Variants in LUZP2 observed in about 807,000 individuals in gnomAD.
LUZP2 encodes the protein leucine zipper protein 2.
LUZP2 carries 52 observed loss-of-function variants against 51.6 expected under a neutral mutation model. The observed-to-expected ratio is 1.01, with a 90% CI of 0.81 to 1.27. LUZP2 has a LOEUF of 1.27. Among genes scored for constraint, LUZP2 ranks in the 50% most tolerant of loss-of-function variants. The pLI is 0.00. For synonymous variants in LUZP2, 154 were observed against 137.3 expected (o/e 1.12, Z -0.85); for missense variants, 436 against 395.4 (o/e 1.10, Z -0.87).
intron 9 of LUZP2, among the ~76,000 whole-genome samples, chr11:25,001,294 A>C (rs1473433485): frequency 6.6e-6 from 1 of 152,162 alleles, no homozygotes; most frequent in Non-Finnish European, 1.5e-5. Context: ...GAGCAGACCA[A>C]TTATTAGGCA....
chr11:24,926,475 ATGTGTGTGTATATATATGTGTATATATG>A (rs1565120025), intron 7 of LUZP2, among the ~76,000 whole-genome samples: 9 of 119,360 alleles, frequency 7.5e-5, no homozygotes, highest in Non-Finnish European at 1.4e-4. Flanking sequence ...ACGTGTATAT[ATGTGTGTGTATATATATGTGTATATATG>A]TGTGTGTATA....
chr11:24,726,923 T>C (rs1238618862), intron 1 of LUZP2, among the ~76,000 whole-genome samples: 2 of 152,236 alleles, frequency 1.3e-5, no homozygotes, highest in East Asian at 3.9e-4. Context: ...TGTAATTTGG[T>C]TTCCTCTTAC....
At chr11:24,777,097 C>T (rs1488923570) in intron 5 of LUZP2, among the ~76,000 whole-genome samples, 1 of 151,404 alleles carries the variant, frequency 6.6e-6, no homozygotes, top group African/African-American at 2.4e-5. Context: ...CGGGTTCATG[C>T]CATTCTCCTG....
intron 10 of LUZP2, among the ~76,000 whole-genome samples, chr11:25,052,581 T>G (rs1048999756): frequency 2.0e-5 from 3 of 152,150 alleles, no homozygotes; most frequent in Non-Finnish European, 4.4e-5. Flanking sequence ...GAGAGACTGT[T>G]TTTTGCCTTG....
intron 1 of LUZP2, among the ~76,000 whole-genome samples, chr11:24,603,626 G>A (rs541793246): frequency 4.0e-5 from 6 of 151,802 alleles, no homozygotes; most frequent in East Asian, 3.9e-4. Context: ...ATAAATATAA[G>A]TATACAATCC....
At chr11:24,655,999 A>C (rs548296557) in intron 1 of LUZP2, among the ~76,000 whole-genome samples, 1 of 152,320 alleles carries the variant, frequency 6.6e-6, no homozygotes, top group East Asian at 1.9e-4. Flanking sequence ...TACTGTTACA[A>C]AATTGCGATT....
At chr11:25,025,652 G>A (rs1025570444) in intron 9 of LUZP2, among the ~76,000 whole-genome samples, 2 of 152,142 alleles carry the variant, frequency 1.3e-5, no homozygotes, top group African/African-American at 4.8e-5. Flanking sequence ...AACAGGTGCT[G>A]GGGAGGATGT....
chr11:24,645,285 G>A (rs921636506), intron 1 of LUZP2, among the ~76,000 whole-genome samples: 3 of 152,132 alleles, frequency 2.0e-5, no homozygotes, highest in Admixed American at 2.0e-4. Context: ...AAGAGAAAGA[G>A]GGAGAGAAAG....
At chr11:25,009,072 G>T (rs193228034) in intron 9 of LUZP2, among the ~76,000 whole-genome samples, 1 of 152,210 alleles carries the variant, frequency 6.6e-6, no homozygotes, top group African/African-American at 2.4e-5. Flanking sequence ...ATACAAAAAG[G>T]TAAAAACTTT....
At chr11:24,670,728 T>A (rs1201144874) in intron 1 of LUZP2, among the ~76,000 whole-genome samples, 2 of 151,988 alleles carry the variant, frequency 1.3e-5, no homozygotes, top group Admixed American at 1.3e-4. Flanking sequence ...TTCCCAAAAT[T>A]TTAGATTTTC....
intron 11 of LUZP2, among the ~76,000 whole-genome samples, chr11:25,077,788 G>A (rs544059335): frequency 3.3e-5 from 5 of 152,128 alleles, no homozygotes; most frequent in Admixed American, 6.6e-5. Flanking sequence ...GAGCCACCGC[G>A]CCCGACCAGA....
intron 7 of LUZP2, among the ~76,000 whole-genome samples, chr11:24,931,285 AT>A (rs1854444918): frequency 1.3e-5 from 2 of 151,474 alleles, no homozygotes; most frequent in African/African-American, 4.8e-5. Flanking sequence ...GTTCTTTTTT[AT>A]TTATCTTTGT....
intron 1 of LUZP2, among the ~76,000 whole-genome samples, chr11:24,693,524 T>G (rs1277045728): frequency 6.6e-6 from 1 of 151,938 alleles, no homozygotes; most frequent in African/African-American, 2.4e-5. Flanking sequence ...TTATTAAAAA[T>G]ACACAAACAG....
intron 7 of LUZP2, among the ~76,000 whole-genome samples, chr11:24,968,857 T>A (rs1590787536): frequency 6.6e-6 from 1 of 152,340 alleles, no homozygotes; most frequent in Middle Eastern, 3.4e-3. Context: ...GCTGGTGCAG[T>A]CATGGGGCTT....
In LUZP2 at chr11:24,993,946, C is replaced by T. The variant is rs567567895; in HGVS notation, c.765+10653C>T. On this transcript the variant is annotated intron_variant, in intron 9 of 11. Coordinates refer to ENST00000336930, the MANE Select transcript of LUZP2 (RefSeq NM_001009909.4). ...TGCAAACTTGGCTCACTGCAGCCTC[C>T]GCCTCCGGGGTTCAAGTGATTCTCC... Among the ~76,000 whole-genome samples the T allele has an allele frequency of 1.9e-3, 282 of 152,152 alleles. 3 individuals carry two copies. Among genetic ancestry groups the T allele is most frequent in the Middle Eastern group, 3.4e-3 (1 of 294 alleles).
Position 24,729,155 on chromosome 11 carries a change from T to A in LUZP2, c.63-14T>A, listed in dbSNP as rs1310832613. ...CCATTTGGGGGGCTCTCATGCCTGT[T>A]CTTTCTGTGTTAGACAGGACTATGA... On this transcript the variant is annotated splice_polypyrimidine_tract_variant and intron_variant, in intron 1 of 11. Transcript: ENST00000336930. The A allele has an allele frequency of 7.0e-7, 1 of 1,436,016 alleles. No homozygotes were observed. The highest frequency in any genetic ancestry group is 1.4e-5 in the African/African-American group (1 of 69,808). 89.0% of individuals were successfully genotyped at this position (1,436,016 alleles called of 1,614,324 possible). A position where few individuals can be genotyped will look rare whatever the true frequency, so the allele number is the denominator to read the frequency against.
intron 4 of LUZP2, among the ~76,000 whole-genome samples, chr11:24,743,111 T>G (rs569231383): frequency 1.3e-5 from 2 of 152,276 alleles, no homozygotes; most frequent in African/African-American, 4.8e-5. Flanking sequence ...TAGTTTGAAA[T>G]CAGGTAGTGC....
intron 9 of LUZP2, among the ~76,000 whole-genome samples, chr11:25,034,091 C>A (rs1347290737): frequency 1.3e-5 from 2 of 152,020 alleles, no homozygotes; most frequent in African/African-American, 2.4e-5. Flanking sequence ...ACCACCATCC[C>A]TTGTTTTTTG....
chr11:24,911,787 G>A (rs1853644794), intron 6 of LUZP2, among the ~76,000 whole-genome samples: 1 of 152,112 alleles, frequency 6.6e-6, no homozygotes, highest in African/African-American at 2.4e-5. Context: ...AGCTGTGTGA[G>A]GACAGACAGT....
Sources: gnomAD v4.1 joint callset for allele counts (sites outside exome capture counted in the v4.1 genomes callset) on GRCh38, gnomAD v4.1.1 for gene constraint, MANE v1.5 for transcripts, NCBI Gene and HGNC (gene_info 2026-07-23, HGNC 2026-07-21) for gene names.